Variants in TSPEAR observed in about 807,000 individuals in gnomAD.
TSPEAR encodes thrombospondin-type laminin G domain and EAR repeat-containing protein.
A neutral mutation model predicts 71.6 loss-of-function variants in TSPEAR; 69 were observed. The observed-to-expected ratio is 0.96, with a 90% CI of 0.79 to 1.18. The LOEUF (loss-of-function observed/expected upper bound fraction) is 1.18. Among genes scored for constraint, TSPEAR ranks in the 50% most tolerant of loss-of-function variants. The pLI is 0.00. For synonymous variants in TSPEAR, 402 were observed against 387.2 expected (o/e 1.04, Z -0.45); for missense variants, 971 against 894.9 (o/e 1.09, Z -1.09).
rs782706676 is a variant in TSPEAR, at chr21:44,650,418, G to A, written c.82+61015C>T. 2.6e-5 allele frequency among the ~76,000 whole-genome samples: 4 copies of A among 152,318 alleles called. 1 individual carries two copies. Among genetic ancestry groups the A allele is most frequent in the South Asian group, 2.1e-4 (1 of 4,830 alleles). The stretch of plus-strand genomic sequence containing the variant: ...GGGCACCTGGAGAACGCCATGTGAC[G>A]ACGGCGGCAGAGACTGGGGCCACGT... On this transcript the variant is annotated intron_variant, in intron 1 of 11. Transcript: ENST00000323084.
intron 2 of TSPEAR, among the ~76,000 whole-genome samples, chr21:44,564,260 AT>A (rs2053675486): frequency 1.3e-5 from 2 of 152,374 alleles, no homozygotes; most frequent in Middle Eastern, 3.4e-3. Context: ...TACAAAATTC[AT>A]AAAAAATGAG....
Position 44,695,828 on chromosome 21 carries a change from C to A in TSPEAR, c.82+15605G>T, listed in dbSNP as rs1198703912. On this transcript the variant is annotated intron_variant, in intron 1 of 11. Coordinates refer to ENST00000323084, the MANE Select transcript of TSPEAR (RefSeq NM_144991.3). This position sits in a 1 kb window ranked among gnomAD's most constrained non-coding sequence, Gnocchi z 4.5. ...GACCAGCAGACACCACACACCAGGG[C>A]TTTTCACTTCAAGGGGCCCATCCAC... 6.6e-6 allele frequency among the ~76,000 whole-genome samples: 1 copy of A among 152,042 alleles called. No individual in the cohort carries two copies. The highest frequency in any genetic ancestry group is 2.4e-5 in the African/African-American group (1 of 41,402).
rs1313941948 is a variant in TSPEAR at position 44,598,747 on chromosome 21, TATA to T, written c.83-30745_83-30743del. On this transcript the variant is annotated intron_variant, in intron 1 of 11. Transcript: ENST00000323084. ...TTTAGACCCCACAAGAGATTATAAATATAATAATATTACCCTTTCAGATCCTCC... is the reference window on the plus strand; with the variant it reads ...TTTAGACCCCACAAGAGATTATAAATATAATATTACCCTTTCAGATCCTCC... 2.6e-5 allele frequency among the ~76,000 whole-genome samples: 4 copies of T among 152,214 alleles called. No homozygotes were observed. The South Asian group carries it at 8.3e-4, about 31-fold the overall frequency.
chr21:44,692,011 T>A (rs782703743), intron 1 of TSPEAR, among the ~76,000 whole-genome samples: 3 of 152,194 alleles, frequency 2.0e-5, no homozygotes, highest in Admixed American at 6.5e-5. Context: ...TTATATACCA[T>A]GACCAAGTTG....
chr21:44,537,793 C>A (rs2053113984), intron 2 of TSPEAR, among the ~76,000 whole-genome samples: 1 of 152,114 alleles, frequency 6.6e-6, no homozygotes, highest in South Asian at 2.1e-4. Context: ...GGATCCCCAG[C>A]CCTAAATCCA....
intron 1 of TSPEAR, among the ~76,000 whole-genome samples, chr21:44,669,560 G>C (rs1237793364): frequency 1.3e-5 from 2 of 152,212 alleles, no homozygotes; most frequent in Non-Finnish European, 2.9e-5. Flanking sequence ...GTTAAAGAGA[G>C]GCTAGCTGTG....
At chr21:44,596,219 A>C (rs1980358399) in intron 1 of TSPEAR, among the ~76,000 whole-genome samples, 1 of 152,232 alleles carries the variant, frequency 6.6e-6, no homozygotes, top group Non-Finnish European at 1.5e-5. Flanking sequence ...ATGCGGCCTC[A>C]ACGGGCAGCT....
chr21:44,622,577 C>T (rs372319749), intron 1 of TSPEAR, among the ~76,000 whole-genome samples: 15 of 152,304 alleles, frequency 9.8e-5, no homozygotes, highest in South Asian at 6.2e-4. Flanking sequence ...CAAACCTTGG[C>T]GTCCCTTGGC....
At position 44,525,840 on chromosome 21, in the gene TSPEAR, C is replaced by G. The variant is rs782271061; in HGVS notation, c.1150-1G>C. The G allele has an allele frequency of 5.6e-6, 9 of 1,614,004 alleles. No homozygotes were observed. In the East Asian group the frequency reaches 6.7e-5, roughly 12 times the overall value. On this transcript the variant is annotated splice_acceptor_variant, in intron 7 of 11. Transcript: ENST00000323084. LOFTEE classifies it high-confidence loss of function. ...CAAAATTAGCCACTGCCAGGAAGATCTGAAAGAGAGTAAACCGGGACCACG... is the reference window on the plus strand; with the variant it reads ...CAAAATTAGCCACTGCCAGGAAGATGTGAAAGAGAGTAAACCGGGACCACG...
intron 2 of TSPEAR, among the ~76,000 whole-genome samples, chr21:44,535,917 A>AAG (rs1555916330): frequency 8.0e-5 from 11 of 137,736 alleles, no homozygotes; most frequent in African/African-American, 2.7e-4. Flanking sequence ...AAAGGAAAAA[A>AAG]GAAAAAAAAA....
At chr21:44,558,764 TGGGAGTGAGTGA>T (rs1198081444) in intron 2 of TSPEAR, 15 of 1,558,780 alleles carry the variant, frequency 9.6e-6, no homozygotes, top group South Asian at 2.5e-5. Flanking sequence ...TGAGTGAGTG[TGGGAGTGAGTGA>T]GGGAGTGAGT....
At position 44,666,769 on chromosome 21, in the gene TSPEAR, A is replaced by G; in HGVS notation, c.82+44664T>C. 4 of 1,612,308 alleles carry G rather than the reference A, an allele frequency of 2.5e-6. No individual in the cohort carries two copies. The South Asian group carries it at 4.4e-5, about 18-fold the overall frequency. ...ACGGGCACACACACGGAGGACTGGC[A>G]GCCCACAGGCACACAGCAGGATGCC... On this transcript the variant is annotated intron_variant, in intron 1 of 11. Coordinates refer to ENST00000323084, the MANE Select transcript of TSPEAR (RefSeq NM_144991.3).
chr21:44,630,973 G>C (rs986441378), intron 1 of TSPEAR, among the ~76,000 whole-genome samples: 4 of 152,210 alleles, frequency 2.6e-5, no homozygotes, highest in Admixed American at 1.3e-4. Flanking sequence ...GAGGGAGAAT[G>C]TGCCATCCAG....
intron 2 of TSPEAR, among the ~76,000 whole-genome samples, chr21:44,543,493 C>T (rs782581594): frequency 6.6e-6 from 1 of 152,110 alleles, no homozygotes; most frequent in African/African-American, 2.4e-5. Context: ...TCATTCCTCC[C>T]CAAAGGTTGT....
intron 2 of TSPEAR, 124 bp from the exon 3 acceptor site, chr21:44,534,047 G>C (rs1297947338): frequency 2.8e-6 from 2 of 711,212 alleles, no homozygotes; most frequent in Admixed American, 4.4e-5. Flanking sequence ...TGACTGGAGG[G>C]GCGAGGTGAG....
rs587763955 is a variant in TSPEAR at position 44,528,564 on chromosome 21, C to A, written c.810G>T (p.Thr270=). The part of the protein sequence containing the change: ...KYPYETNIRV[T]LGPQPPCTEV... ...CGGTACACGGTGGCTGGGGTCCCAG[C>A]GTCACTCGAATGTTGGTTTCTGAGG... Residue 270 remains threonine, a synonymous_variant, in exon 6 of 12, where the codon ACG becomes ACT. Coordinates refer to ENST00000323084, the MANE Select transcript of TSPEAR (RefSeq NM_144991.3). The A allele has an allele frequency of 6.2e-7, 1 of 1,614,020 alleles. No homozygotes were observed. Among genetic ancestry groups the A allele is most frequent in the Non-Finnish European group, 8.5e-7 (1 of 1,179,972 alleles).
At chr21:44,515,105 C>T (rs956312783) in intron 9 of TSPEAR, among the ~76,000 whole-genome samples, 2 of 152,212 alleles carry the variant, frequency 1.3e-5, no homozygotes, top group African/African-American at 2.4e-5. Context: ...TCGGCTTCAC[C>T]CGCTTCAAAG....
chr21:44,654,590 C>A, intron 1 of TSPEAR: 2 of 1,588,838 alleles, frequency 1.3e-6, no homozygotes, highest in South Asian at 2.3e-5. Flanking sequence ...ATTGGGCAGC[C>A]CGAAGAGTGG....
chr21:44,580,580 C>T, intron 1 of TSPEAR: 2 of 1,606,162 alleles, frequency 1.2e-6, no homozygotes, highest in Non-Finnish European at 1.7e-6. Context: ...CGCGGCCATG[C>T]TGGGGTGGGG....
Sources: allele counts gnomAD v4.1 joint callset (sites outside exome capture counted in the v4.1 genomes callset), GRCh38; gene constraint gnomAD v4.1.1; non-coding constraint Gnocchi (gnomAD v3.1); transcripts MANE v1.5; gene names NCBI Gene and HGNC (gene_info 2026-07-23, HGNC 2026-07-21).